The following RGS7 variants were observed in gnomAD, a reference collection of about 807,000 sequenced individuals.
RGS7 encodes the protein regulator of G-protein signaling 7.
RGS7 carries 27 observed loss-of-function variants against 81.1 expected under a neutral mutation model. The observed-to-expected ratio is 0.33, with a 90% CI of 0.25 to 0.46. The LOEUF (loss-of-function observed/expected upper bound fraction) is 0.46. RGS7 is among the 20% of genes least tolerant of loss of function. The pLI, the probability that RGS7 is intolerant of heterozygous loss-of-function variation, is 1.00. For missense variants in RGS7, 396 were observed against 607.4 expected (o/e 0.65, Z 3.66); for synonymous variants, 208 against 207.7 (o/e 1.00, Z -0.01).
chr1:241,090,325 C>A lies in RGS7; in HGVS notation c.175+8341G>T, dbSNP rs546193514. Among the ~76,000 whole-genome samples, 11 of 152,106 alleles carry A rather than the reference C, an allele frequency of 7.2e-5. 1 individual carries two copies. Among genetic ancestry groups the A allele is most frequent in the Admixed American group, 6.5e-4 (10 of 15,276 alleles). ...AAGAGGGGGATAAGAAGAGTCAAGG[C>A]GACCCCGGCATTTCTGGCATGTGCA... is the stretch of plus-strand genomic sequence containing the variant. On this transcript the variant is annotated intron_variant, in intron 3 of 18. Transcript: ENST00000440928.
intron 2 of RGS7, among the ~76,000 whole-genome samples, chr1:241,236,064 T>C (rs550824512): frequency 3.3e-5 from 5 of 152,060 alleles, no homozygotes; most frequent in African/African-American, 4.8e-5. Context: ...TTTGAGACCA[T>C]GAGATGACAA....
intron 2 of RGS7, among the ~76,000 whole-genome samples, chr1:241,156,169 G>GATAGATACATACATACATAC (rs1475820224): frequency 2.1e-5 from 3 of 142,752 alleles, no homozygotes; most frequent in African/African-American, 7.5e-5. Context: ...TAGATAGATA[G>GATAGATACATACATACATAC]ATACATATAC....
At chr1:240,781,640 T>C (rs113995457) in intron 18 of RGS7, among the ~76,000 whole-genome samples, 2,049 of 152,154 alleles carry the variant, frequency 0.013, 42 homozygotes, top group African/African-American at 0.047. Context: ...GTGTGTGGTA[T>C]AGATTTATCA....
chr1:241,293,637 T>C (rs953295186), intron 2 of RGS7, among the ~76,000 whole-genome samples: 11 of 151,800 alleles, frequency 7.2e-5, no homozygotes, highest in Non-Finnish European at 1.5e-4. Context: ...AATAAGAATA[T>C]AAAAAAGAAA....
intron 2 of RGS7, among the ~76,000 whole-genome samples, chr1:241,279,740 A>C (rs1459160890): frequency 6.6e-6 from 1 of 152,216 alleles, no homozygotes; most frequent in African/African-American, 2.4e-5. Context: ...TCAGTCCTAA[A>C]AACCACTAAT....
intron 2 of RGS7, among the ~76,000 whole-genome samples, chr1:241,110,709 A>G (rs1305233413): frequency 7.8e-6 from 1 of 127,452 alleles, no homozygotes; most frequent in East Asian, 2.1e-4. Flanking sequence ...TTTTTTTTTG[A>G]GACAGAGTCT....
At chr1:241,051,742 CA>C (rs1351369366) in intron 3 of RGS7, among the ~76,000 whole-genome samples, 1 of 152,172 alleles carries the variant, frequency 6.6e-6, no homozygotes, top group African/African-American at 2.4e-5. Context: ...TTGCTTGCAT[CA>C]ACAGATAACG....
chr1:240,973,435 G>C (rs531776552), intron 4 of RGS7, among the ~76,000 whole-genome samples: 1 of 151,434 alleles, frequency 6.6e-6, no homozygotes. Flanking sequence ...ACTTGAACCC[G>C]GGAGGCTGAG....
chr1:240,874,959 T>C (rs1251251025), intron 6 of RGS7, among the ~76,000 whole-genome samples: 1 of 151,946 alleles, frequency 6.6e-6, no homozygotes. Flanking sequence ...GGAGAATTGC[T>C]TGAACCCGGG....
intron 3 of RGS7, among the ~76,000 whole-genome samples, chr1:241,006,145 A>T (rs972285903): frequency 6.6e-6 from 1 of 152,190 alleles, no homozygotes; most frequent in East Asian, 1.9e-4. Flanking sequence ...CAGTGGTAAA[A>T]CTGTATCAAT....
At chr1:240,979,028 C>T (rs1684547012) in intron 4 of RGS7, among the ~76,000 whole-genome samples, 1 of 152,036 alleles carries the variant, frequency 6.6e-6, no homozygotes, top group African/African-American at 2.4e-5. Flanking sequence ...GGCAATGGCC[C>T]ATTTATATTT....
At chr1:240,889,101 C>T (rs969183016) in intron 6 of RGS7, among the ~76,000 whole-genome samples, 1 of 151,968 alleles carries the variant, frequency 6.6e-6, no homozygotes, top group Non-Finnish European at 1.5e-5. Context: ...GGACTACAGG[C>T]GCCCGCCACC....
At chr1:241,225,612 G>A (rs1471972673) in intron 2 of RGS7, among the ~76,000 whole-genome samples, 1 of 152,174 alleles carries the variant, frequency 6.6e-6, no homozygotes, top group East Asian at 1.9e-4. Context: ...TGTTTGATAT[G>A]CCTTTTAGAG....
intron 3 of RGS7, among the ~76,000 whole-genome samples, chr1:241,024,421 C>T (rs910823130): frequency 6.6e-6 from 1 of 152,158 alleles, no homozygotes; most frequent in Non-Finnish European, 1.5e-5. Flanking sequence ...AATGGAAGTA[C>T]AAGTGTTCTC....
At chr1:241,244,502 T>C (rs1333562135) in intron 2 of RGS7, among the ~76,000 whole-genome samples, 77 of 152,262 alleles carry the variant, frequency 5.1e-4, no homozygotes, top group Non-Finnish European at 1.9e-4. Flanking sequence ...TTTTACACTA[T>C]TGGTGGGACT....
In RGS7 at chr1:241,156,173, C is replaced by G. The variant is rs913815797; in HGVS notation, c.79-57411G>C. ...AGATAGATAGATAGATAGATAGATA[C>G]ATATACATAGACAGACAGACAGAAA... On this transcript the variant is annotated intron_variant, in intron 2 of 18. Coordinates refer to ENST00000440928, the MANE Select transcript of RGS7 (RefSeq NM_001364886.1). Among the ~76,000 whole-genome samples the G allele has an allele frequency of 7.0e-3, 925 of 132,490 alleles. 7 individuals are homozygous for G. The highest frequency in any genetic ancestry group is 0.028 in the African/African-American group (843 of 30,540). 86.9% of individuals were successfully genotyped at this position (132,490 alleles called of 152,430 possible). A position where few individuals can be genotyped will look rare whatever the true frequency, so the allele number is the denominator to read the frequency against.
intron 9 of RGS7, among the ~76,000 whole-genome samples, chr1:240,835,135 T>C (rs1047696489): frequency 9.2e-5 from 14 of 152,104 alleles, no homozygotes; most frequent in African/African-American, 3.4e-4. Flanking sequence ...TAAAAACTTC[T>C]GTTCTGTGAA....
chr1:241,033,036 G>A (rs909622654), intron 3 of RGS7, among the ~76,000 whole-genome samples: 6 of 151,994 alleles, frequency 3.9e-5, no homozygotes, highest in African/African-American at 1.2e-4. Flanking sequence ...TTCTTCTTAC[G>A]GAAAAGTGGA....
chr1:241,046,816 G>A (rs1649584578), intron 3 of RGS7, among the ~76,000 whole-genome samples: 1 of 152,020 alleles, frequency 6.6e-6, no homozygotes, highest in African/African-American at 2.4e-5. Context: ...AGCCACTTAG[G>A]TTTTGTCTCT....
Sources: allele counts gnomAD v4.1 joint callset (sites outside exome capture counted in the v4.1 genomes callset), GRCh38; gene constraint gnomAD v4.1.1; transcripts MANE v1.5; gene names NCBI Gene and HGNC (gene_info 2026-07-23, HGNC 2026-07-21).